The following PDE4D variants were observed in gnomAD, a reference collection of about 807,000 sequenced individuals.
PDE4D encodes phosphodiesterase 4D.
PDE4D carries 24 observed loss-of-function variants against 87.4 expected under a neutral mutation model. That is an observed-to-expected ratio of 0.27 (90% confidence interval 0.20 to 0.39). The LOEUF (loss-of-function observed/expected upper bound fraction) is 0.39. Among genes scored for constraint, PDE4D ranks in the 10% least tolerant of loss-of-function variants. The pLI, the probability that PDE4D is intolerant of heterozygous loss-of-function variation, is 1.00. For synonymous variants in PDE4D, 384 were observed against 383.2 expected, an observed-to-expected ratio of 1.00 and a Z score of -0.02; for missense variants, 714 against 1,041.0, an observed-to-expected ratio of 0.69 and a Z score of 4.32.
At chr5:60,015,276 G>T (rs1051288809) in intron 2 of PDE4D, among the ~76,000 whole-genome samples, 8 of 152,224 alleles carry the variant, frequency 5.3e-5, no homozygotes, top group Non-Finnish European at 8.8e-5. Context: ...GCTGTGGCCA[G>T]AGGGAAGATT....
At chr5:60,163,679 G>C (rs1219154801) in intron 2 of PDE4D, among the ~76,000 whole-genome samples, 1 of 152,086 alleles carries the variant, frequency 6.6e-6, no homozygotes, top group East Asian at 1.9e-4. Flanking sequence ...CTTCTTTATG[G>C]GGTGTGCCCT....
chr5:59,391,347 A>C (rs909601525), intron 1 of PDE4D, among the ~76,000 whole-genome samples: 1 of 152,224 alleles, frequency 6.6e-6, no homozygotes, highest in Admixed American at 6.5e-5. Context: ...ATAGTTTGTC[A>C]GTAAAGTGTT....
Position 58,974,859 on chromosome 5 carries a change from C to G in PDE4D, c.2235G>C (p.Glu745Asp), listed in dbSNP as rs182029606. ...TGCCACTGTCCTTTTCCGTGTCTGA[C>G]TCACCATCTTCCTCTAAAGTTAGTT... is the stretch of plus-strand genomic sequence containing the variant. ...QFELTLEEDG[E>D]SDTEKDSGSQ... is the part of the protein sequence containing the mutation. Residue 745 changes from glutamate (E) to aspartate (D), a missense_variant, in exon 15 of 15, where the codon GAG becomes GAC. This residue lies in a region of PDE4D where 90 missense variants were observed against 95.3 expected (regional missense o/e 0.94). Transcript: ENST00000340635. The G allele has an allele frequency of 6.2e-7, 1 of 1,612,684 alleles. No homozygotes were observed. Among genetic ancestry groups the G allele is most frequent in the Non-Finnish European group, 8.5e-7 (1 of 1,179,108 alleles).
At chr5:59,906,403 G>A (rs1440686784) in intron 3 of PDE4D, among the ~76,000 whole-genome samples, 2 of 152,076 alleles carry the variant, frequency 1.3e-5, no homozygotes, top group South Asian at 4.1e-4. Context: ...AATAGAAATA[G>A]CACATACTGC....
intron 1 of PDE4D, among the ~76,000 whole-genome samples, chr5:60,499,887 A>G (rs1749989253): frequency 1.3e-5 from 2 of 152,210 alleles, no homozygotes; most frequent in South Asian, 4.1e-4. Flanking sequence ...TCTTGGCTTC[A>G]GAGGTTTTTA....
intron 2 of PDE4D, among the ~76,000 whole-genome samples, chr5:60,005,537 C>T (rs985895445): frequency 6.6e-6 from 1 of 151,878 alleles, no homozygotes; most frequent in Non-Finnish European, 1.5e-5. Context: ...GGGATGGATG[C>T]ATTGATTAAT....
At chr5:59,854,768 A>C (rs1325775412) in intron 1 of PDE4D, among the ~76,000 whole-genome samples, 2 of 152,102 alleles carry the variant, frequency 1.3e-5, no homozygotes, top group Admixed American at 1.3e-4. Flanking sequence ...AAAAGAAAAA[A>C]AATGCCAACT....
intron 1 of PDE4D, among the ~76,000 whole-genome samples, chr5:59,552,059 T>A (rs1326482685): frequency 6.6e-6 from 1 of 151,904 alleles, no homozygotes; most frequent in Admixed American, 6.6e-5. Context: ...CTACAAAAAA[T>A]TTTTGAAAAA....
intron 1 of PDE4D, among the ~76,000 whole-genome samples, chr5:60,220,002 A>G (rs1744305158): frequency 1.3e-5 from 2 of 152,192 alleles, no homozygotes; most frequent in Admixed American, 1.3e-4. Context: ...GGCTACTTGA[A>G]TGGACTAGTA....
Position 59,540,344 on chromosome 5 carries a change from T to C in PDE4D, c.456-324376A>G, listed in dbSNP as rs192419566. Among the ~76,000 whole-genome samples the C allele has an allele frequency of 1.6e-3, 247 of 151,538 alleles. 2 individuals are homozygous for C. Among genetic ancestry groups the C allele is most frequent in the African/African-American group, 5.8e-3 (240 of 41,266 alleles). On this transcript the variant is annotated intron_variant, in intron 1 of 14. Coordinates refer to ENST00000340635, the MANE Select transcript of PDE4D (RefSeq NM_001104631.2). Reference sequence around the variant, plus strand: ...TGAAACTTAACAGCACAAGTGTACATCATTTAAAAAAACGAAAACAAAAAA... The same window carrying C: ...TGAAACTTAACAGCACAAGTGTACACCATTTAAAAAAACGAAAACAAAAAA...
chr5:60,173,745 TA>T (rs1232478973), intron 2 of PDE4D, among the ~76,000 whole-genome samples: 1 of 152,150 alleles, frequency 6.6e-6, no homozygotes, highest in Non-Finnish European at 1.5e-5. Context: ...CTTCCATATA[TA>T]ATTTTACTAC....
intron 1 of PDE4D, among the ~76,000 whole-genome samples, chr5:60,415,051 T>G (rs996841295): frequency 1.3e-5 from 2 of 152,246 alleles, no homozygotes; most frequent in African/African-American, 4.8e-5. Flanking sequence ...GTGGTTGCAC[T>G]CAACCTGGGT....
intron 6 of PDE4D, among the ~76,000 whole-genome samples, chr5:58,995,666 A>C (rs1749052501): frequency 6.6e-6 from 1 of 152,200 alleles, no homozygotes; most frequent in Admixed American, 6.5e-5. Flanking sequence ...CTTTTAAAGT[A>C]ATAGCTGATT....
intron 1 of PDE4D, among the ~76,000 whole-genome samples, chr5:60,365,870 C>T (rs1027486868): frequency 6.6e-6 from 1 of 151,890 alleles, no homozygotes; most frequent in African/African-American, 2.4e-5. Context: ...ATGGTGAAAC[C>T]CCATCTCTAC....
chr5:60,257,201 A>G (rs143584562), intron 1 of PDE4D, among the ~76,000 whole-genome samples: 2 of 141,720 alleles, frequency 1.4e-5, no homozygotes, highest in African/African-American at 5.4e-5. Flanking sequence ...AAAGAAAGAA[A>G]GAATGAATGA....
Position 58,972,651 on chromosome 5 carries a change from T to C in PDE4D, c.*2013A>G, listed in dbSNP as rs1239731180. 6.6e-6 allele frequency: 1 copy of C among 152,204 alleles called. No homozygotes were observed. Among genetic ancestry groups the C allele is most frequent in the Non-Finnish European group, 1.5e-5 (1 of 68,034 alleles). The allele number at this position is 152,204 out of a possible 1,614,324, so 9.4% of individuals were successfully genotyped here. A position where few individuals can be genotyped will look rare whatever the true frequency, so the allele number is the denominator to read the frequency against. On this transcript the variant is annotated 3_prime_UTR_variant, in exon 15 of 15. Transcript: ENST00000340635. Reference sequence around the variant, plus strand: ...GCTTCTATCTATCTCAATTCTTGAATATCAATGTGAAAAATGATTATTTGG... The same window carrying C: ...GCTTCTATCTATCTCAATTCTTGAACATCAATGTGAAAAATGATTATTTGG...
At chr5:59,317,930 G>T (rs765290419) in intron 1 of PDE4D, among the ~76,000 whole-genome samples, 1 of 152,120 alleles carries the variant, frequency 6.6e-6, no homozygotes, top group Admixed American at 6.5e-5. Context: ...CAAAGCTTAT[G>T]CATGTCTAAG....
At chr5:59,209,337 C>G (rs1749555697) in intron 2 of PDE4D, among the ~76,000 whole-genome samples, 1 of 152,088 alleles carries the variant, frequency 6.6e-6, no homozygotes, top group Non-Finnish European at 1.5e-5. Flanking sequence ...AGGCGCCCAC[C>G]ACCATGCCCA....
intron 1 of PDE4D, among the ~76,000 whole-genome samples, chr5:60,216,374 T>A: frequency 6.6e-6 from 1 of 152,146 alleles, no homozygotes; most frequent in Non-Finnish European, 1.5e-5. Context: ...GCCCAGCACC[T>A]TATTTCCCTT....
Sources: allele counts gnomAD v4.1 joint callset (sites outside exome capture counted in the v4.1 genomes callset), GRCh38; gene constraint gnomAD v4.1.1; regional missense constraint gnomAD v4.1.1; transcripts MANE v1.5; gene names NCBI Gene and HGNC (gene_info 2026-07-23, HGNC 2026-07-21).